MBTPS1: variants seen among roughly 807,000 people sequenced by gnomAD.
MBTPS1 encodes the protein membrane-bound transcription factor site-1 protease.
Under a neutral mutation model 127.8 loss-of-function variants are expected in MBTPS1, and 94 were observed. That is an observed-to-expected ratio of 0.74 (90% CI 0.62 to 0.87). The LOEUF (loss-of-function observed/expected upper bound fraction) is 0.87, where lower values mean the gene tolerates loss of function less well. MBTPS1 is among the 40% of genes least tolerant of loss of function. The pLI is 0.00. For missense variants in MBTPS1, 1,636 were observed against 1,353.2 expected (o/e 1.21, Z -3.28); for synonymous variants, 632 against 509.4 (o/e 1.24, Z -3.24).
chr16:84,091,107 C>T (rs1220807990), intron 7 of MBTPS1, among the ~76,000 whole-genome samples, 165 bp from the exon 8 acceptor site: 1 of 152,060 alleles, frequency 6.6e-6, no homozygotes, highest in East Asian at 1.9e-4. Context: ...TAGAGGATAC[C>T]ACCCGGGACG....
At chr16:84,104,187 A>G (rs1567504031) in intron 1 of MBTPS1, among the ~76,000 whole-genome samples, 1 of 152,176 alleles carries the variant, frequency 6.6e-6, no homozygotes, top group Admixed American at 6.6e-5. Context: ...TATATATTTA[A>G]AAGATATTTA....
At chr16:84,085,654 A>G (rs1381102052) in intron 9 of MBTPS1, among the ~76,000 whole-genome samples, 1 of 151,880 alleles carries the variant, frequency 6.6e-6, no homozygotes, top group Non-Finnish European at 1.5e-5. Flanking sequence ...TGTAGAAAGT[A>G]AATTTTTAAA....
chr16:84,098,988 C>G, intron 3 of MBTPS1, 65 bp downstream of exon 3: 1 of 1,472,142 alleles, frequency 6.8e-7, no homozygotes. Context: ...TTTTCAACTA[C>G]TCTGCAGTTT....
intron 20 of MBTPS1, chr16:84,059,729 G>C (rs2085577825): frequency 5.0e-6 from 1 of 200,504 alleles, no homozygotes; most frequent in South Asian, 1.5e-4. Flanking sequence ...ACACACGCAA[G>C]GCTACACCTG....
intron 12 of MBTPS1, among the ~76,000 whole-genome samples, chr16:84,072,914 C>A (rs1254139964): frequency 6.6e-6 from 1 of 152,188 alleles, no homozygotes; most frequent in Non-Finnish European, 1.5e-5. Context: ...CAAGAGCCAT[C>A]CTTGACTGTT....
intron 3 of MBTPS1, among the ~76,000 whole-genome samples, chr16:84,098,542 G>C (rs1449254799): frequency 6.6e-6 from 1 of 152,194 alleles, no homozygotes; most frequent in Non-Finnish European, 1.5e-5. Context: ...CCTGGGTGGA[G>C]GTTGAGGTGA....
At chr16:84,105,180 T>A (rs1249988076) in intron 1 of MBTPS1, among the ~76,000 whole-genome samples, 1 of 151,826 alleles carries the variant, frequency 6.6e-6, no homozygotes, top group African/African-American at 2.4e-5. Context: ...ATAATAAATG[T>A]GGGGTATGTG....
chr16:84,066,661 C>T, intron 16 of MBTPS1, 48 bp from the exon 17 acceptor site: 3 of 1,588,824 alleles, frequency 1.9e-6, no homozygotes, highest in Non-Finnish European at 2.6e-6. Context: ...TGAAGACACT[C>T]CATACACAGT....
chr16:84,080,197 A>C (rs111965557), intron 11 of MBTPS1, among the ~76,000 whole-genome samples: 2 of 152,354 alleles, frequency 1.3e-5, no homozygotes, highest in African/African-American at 4.8e-5. Flanking sequence ...ATAAATATCT[A>C]TGTGTCCACA....
In MBTPS1 at chr16:84,085,116, C is replaced by T. The variant is rs767896752; in HGVS notation, c.1153G>A (p.Gly385Ser). Residue 385 changes from glycine to serine, a missense_variant, in exon 10 of 23, where the codon GGT becomes AGT. By Grantham distance (56) the Gly-to-Ser change is moderately conservative. Transcript: ENST00000343411. ...GTGACAATGTCAGGTTTCATGCGACCGTAGCCTCCTGGTAGCTCCTATGAA... is the reference window on the plus strand; with the variant it reads ...GTGACAATGTCAGGTTTCATGCGACTGTAGCCTCCTGGTAGCTCCTATGAA... The part of the protein sequence containing the change: ...MTTWELPGGY[G>S]RMKPDIVTYG... 5.6e-6 allele frequency: 9 copies of T among 1,614,082 alleles called. No individual in the cohort carries two copies. Among genetic ancestry groups the T allele is most frequent in the Non-Finnish European group, 6.8e-6 (8 of 1,180,034 alleles).
chr16:84,086,519 G>T, intron 9 of MBTPS1: 1 of 152,756 alleles, frequency 6.5e-6, no homozygotes, highest in Non-Finnish European at 1.5e-5. Context: ...GACCCCTGGT[G>T]GGGCTGAGTG....
intron 3 of MBTPS1, among the ~76,000 whole-genome samples, chr16:84,098,513 G>A (rs1023164677): frequency 3.4e-5 from 5 of 146,424 alleles, no homozygotes; most frequent in African/African-American, 1.3e-4. Flanking sequence ...GGGAGGCTAA[G>A]GCAGGAGAAT....
rs1486386064 is a variant in MBTPS1, at chr16:84,067,804, G to T, written c.2091C>A (p.Asp697Glu). ...ASQYGTLLMVDSEEEYFPEEI... is the reference protein window; with the variant it reads ...ASQYGTLLMVESEEEYFPEEI... ...CTTCAGGGAAGTACTCCTCCTCACTGTCCACCATCAGCAAAGTGCCTGATG... is the reference window on the plus strand; with the variant it reads ...CTTCAGGGAAGTACTCCTCCTCACTTTCCACCATCAGCAAAGTGCCTGATG... The change falls in exon 16 of 23, where the codon GAC becomes GAA. Residue 697 changes from aspartate (D) to glutamate (E), a missense_variant. Asp to Glu is a conservative substitution (Grantham distance 45). Coordinates refer to ENST00000343411, the MANE Select transcript of MBTPS1 (RefSeq NM_003791.4). 2 of 1,608,798 alleles carry T rather than the reference G, an allele frequency of 1.2e-6. No individual in the cohort carries two copies. The highest frequency in any genetic ancestry group is 1.3e-5 in the African/African-American group (1 of 74,934).
chr16:84,088,589 T>A (rs1037794847), intron 8 of MBTPS1, among the ~76,000 whole-genome samples: 1 of 151,948 alleles, frequency 6.6e-6, no homozygotes, highest in Non-Finnish European at 1.5e-5. Flanking sequence ...CCTTAAAAAA[T>A]AAGGGAACGC....
At chr16:84,116,479 G>C (rs1597363361) in intron 1 of MBTPS1, among the ~76,000 whole-genome samples, 1 of 152,206 alleles carries the variant, frequency 6.6e-6, no homozygotes, top group African/African-American at 2.4e-5. Context: ...TGTTTCACTC[G>C]GTGAATGCTC....
chr16:84,106,237 G>A (rs754860128), intron 1 of MBTPS1, among the ~76,000 whole-genome samples: 1 of 152,214 alleles, frequency 6.6e-6, no homozygotes, highest in Non-Finnish European at 1.5e-5. Context: ...AGAGGTTGCA[G>A]TGAGTTGAGA....
In MBTPS1 at chr16:84,087,473, C is replaced by CAAAAAAAAAAAAAAAAAA; in HGVS notation, c.1032-14_1032-13insTTTTTTTTTTTTTTTTTT. 1 of 1,036,172 alleles carries CAAAAAAAAAAAAAAAAAA rather than the reference C, an allele frequency of 9.7e-7. No individual in the cohort carries two copies. Among genetic ancestry groups the CAAAAAAAAAAAAAAAAAA allele is most frequent in the East Asian group, 2.5e-5 (1 of 39,308 alleles). The allele number at this position is 1,036,172 out of a possible 1,614,324, so 64.2% of individuals were successfully genotyped here. On this transcript the variant is annotated splice_polypyrimidine_tract_variant and intron_variant, in intron 8 of 22. Coordinates refer to ENST00000343411, the MANE Select transcript of MBTPS1 (RefSeq NM_003791.4). ...GTTATTCAGAGTGCTATATTGAGAC[C>CAAAAAAAAAAAAAAAAAA]AAAAAAAAAAAAAAAGAAAAGAAAA... is the stretch of plus-strand genomic sequence containing the variant.
At chr16:84,057,858 T>C (rs2085543753) in intron 21 of MBTPS1, 1 of 152,198 alleles carries the variant, frequency 6.6e-6, no homozygotes, top group African/African-American at 2.4e-5. Flanking sequence ...TGATGGATTA[T>C]TTGATGTGAA....
At position 84,101,603 on chromosome 16, in the gene MBTPS1, T is replaced by G. The variant is rs377438849; in HGVS notation, c.163+18A>C. Reference sequence around the variant, plus strand: ...AAAATAGGATGGGAGTTCCTAATACTTAAGACAACATCATTACCATATTCC... The same window carrying G: ...AAAATAGGATGGGAGTTCCTAATACGTAAGACAACATCATTACCATATTCC... On this transcript the variant is annotated intron_variant, in intron 2 of 22. Transcript: ENST00000343411. The G allele has an allele frequency of 3.1e-6, 5 of 1,598,340 alleles. No individual in the cohort carries two copies. In the African/African-American group the frequency reaches 6.7e-5, roughly 21 times the overall value.
Sources: gnomAD v4.1 joint callset for allele counts (sites outside exome capture counted in the v4.1 genomes callset) on GRCh38, gnomAD v4.1.1 for gene constraint, MANE v1.5 for transcripts, NCBI Gene and HGNC (gene_info 2026-07-23, HGNC 2026-07-21) for gene names.